Variants in BMP5 observed in about 807,000 individuals in gnomAD.
BMP5 encodes the protein bone morphogenetic protein 5.
Under a neutral mutation model 46.6 loss-of-function variants are expected in BMP5, and 23 were observed. The ratio of observed to expected loss-of-function variants is 0.49; its 90% CI spans 0.35 to 0.70. The LOEUF is 0.70. Ranked by LOEUF, BMP5 falls within the 30% of genes least tolerant of loss-of-function variation. BMP5 has a pLI of 0.00. For synonymous variants in BMP5, 204 were observed against 191.9 expected, an observed-to-expected ratio of 1.06 and a Z score of -0.52; for missense variants, 545 against 565.6, an observed-to-expected ratio of 0.96 and a Z score of 0.37.
intron 1 of BMP5, among the ~76,000 whole-genome samples, chr6:55,837,364 T>TAGAG (rs767336510): frequency 6.7e-6 from 1 of 149,886 alleles, no homozygotes; most frequent in Admixed American, 6.6e-5. Flanking sequence ...GATAGATAGA[T>TAGAG]AGATAGATAG....
intron 5 of BMP5, 41 bp from the exon 6 acceptor site, chr6:55,759,156 AAAAAAAAAAAAAAAAAAAAAAAAAAAAC>A: frequency 1.5e-5 from 10 of 672,740 alleles, no homozygotes; most frequent in South Asian, 1.1e-4. Flanking sequence ...AAAAAAAAAA[AAAAAAAAAAAAAAAAAAAAAAAAAAAAC>A]AACAAGAAAA....
intron 1 of BMP5, 88 bp downstream of exon 1, chr6:55,874,288 C>T: frequency 2.6e-6 from 4 of 1,558,918 alleles, no homozygotes; most frequent in Non-Finnish European, 3.5e-6. Flanking sequence ...TTTATATAAA[C>T]ATGACCACCT....
chr6:55,833,701 C>G (rs1380282444), intron 1 of BMP5, among the ~76,000 whole-genome samples: 1 of 152,116 alleles, frequency 6.6e-6, no homozygotes, highest in African/African-American at 2.4e-5. Context: ...AACAGGACAG[C>G]AATCTCTGAA....
In BMP5 at chr6:55,819,796, C is replaced by A. The variant is rs766276845; in HGVS notation, c.542G>T (p.Arg181Leu). ...SHQRRHYKEF[R>L]FDLTQIPHGE... ...ATGAGGAATTTGGGTAAGATCAAAT[C>A]GAAATTCTTTGTAATGCCTTCGCTG... The change falls in exon 2 of 7, where the codon CGA (arginine) becomes CTA (leucine). Residue 181 changes from arginine (R) to leucine (L), a missense_variant. Coordinates refer to ENST00000370830, the MANE Select transcript of BMP5 (RefSeq NM_021073.4). The A allele has an allele frequency of 5.0e-6, 8 of 1,613,680 alleles. No individual in the cohort carries two copies. In the South Asian group the frequency reaches 5.5e-5, roughly 11 times the overall value.
At chr6:55,853,138 TAAATAAAATAA>T in intron 1 of BMP5, among the ~76,000 whole-genome samples, 1 of 107,486 alleles carries the variant, frequency 9.3e-6, no homozygotes, top group African/African-American at 3.5e-5. Flanking sequence ...CTCAAATACA[TAAATAAAATAA>T]AATAAAATAA....
At chr6:55,778,240 A>AT (rs1739335126) in intron 3 of BMP5, among the ~76,000 whole-genome samples, 1 of 151,944 alleles carries the variant, frequency 6.6e-6, no homozygotes, top group African/African-American at 2.4e-5. Context: ...GATCTGCTAA[A>AT]TGGATGGGGT....
At chr6:55,761,254 T>C (rs1774769821) in intron 4 of BMP5, among the ~76,000 whole-genome samples, 1 of 152,062 alleles carries the variant, frequency 6.6e-6, no homozygotes, top group Admixed American at 6.6e-5. Context: ...CAAGACACCA[T>C]CATCTCTGGC....
chr6:55,818,971 C>CAGACAGACAGAT lies in BMP5; in HGVS notation c.683+683_683+684insATCTGTCTGTCT, dbSNP rs1180896828. Among the ~76,000 whole-genome samples, 74 of 150,670 alleles carry CAGACAGACAGAT rather than the reference C, an allele frequency of 4.9e-4. No homozygotes were observed. In the South Asian group the frequency reaches 0.015, roughly 31 times the overall value. ...ACAGACAGACAGACAGACAGACAGA[C>CAGACAGACAGAT]AGATAGATAGATAGATGGTAGATCT... On this transcript the variant is annotated intron_variant, in intron 2 of 6. Transcript: ENST00000370830.
At chr6:55,811,088 G>A (rs1776124737) in intron 2 of BMP5, among the ~76,000 whole-genome samples, 1 of 152,150 alleles carries the variant, frequency 6.6e-6, no homozygotes, top group Admixed American at 6.6e-5. Flanking sequence ...TCCCATCTGA[G>A]TGTCCTGTTC....
intron 1 of BMP5, among the ~76,000 whole-genome samples, chr6:55,837,502 AT>A (rs1349675928): frequency 6.6e-6 from 1 of 151,960 alleles, no homozygotes; most frequent in African/African-American, 2.4e-5. Context: ...TATTTTTTAA[AT>A]TTTTTTATTT....
chr6:55,833,493 G>A (rs987326626), intron 1 of BMP5, among the ~76,000 whole-genome samples: 2 of 151,974 alleles, frequency 1.3e-5, no homozygotes, highest in East Asian at 1.9e-4. Flanking sequence ...ATTCTTTTTC[G>A]GCTTTTGAAG....
intron 2 of BMP5, among the ~76,000 whole-genome samples, chr6:55,803,509 G>T (rs1775906285): frequency 6.6e-6 from 1 of 152,156 alleles, no homozygotes; most frequent in Non-Finnish European, 1.5e-5. Flanking sequence ...CAGGAGTTGG[G>T]TAGTGGAATG....
rs1774514019 is a variant in BMP5, at chr6:55,753,832, T to C, written c.*1701A>G. The C allele has an allele frequency of 6.6e-6, 1 of 151,822 alleles. No individual in the cohort carries two copies. The highest frequency in any genetic ancestry group is 6.6e-5 in the Admixed American group (1 of 15,216). 9.4% of individuals were successfully genotyped at this position (151,822 alleles called of 1,614,324 possible). ...TATTCCTTTTAAATAAAGAACCAAA[T>C]CAAGAACAGCAGAAATTAGCATCTG... On this transcript the variant is annotated 3_prime_UTR_variant, in exon 7 of 7. Transcript: ENST00000370830.
At chr6:55,841,296 T>C (rs1344849941) in intron 1 of BMP5, among the ~76,000 whole-genome samples, 1 of 152,158 alleles carries the variant, frequency 6.6e-6, no homozygotes, top group Non-Finnish European at 1.5e-5. Context: ...TCTACTTATT[T>C]ATTTTCTCTT....
intron 1 of BMP5, among the ~76,000 whole-genome samples, chr6:55,861,561 A>G (rs1262264149): frequency 6.6e-6 from 1 of 152,190 alleles, no homozygotes; most frequent in Non-Finnish European, 1.5e-5. Context: ...CACAAATGTC[A>G]GTATCTTTGG....
intron 1 of BMP5, among the ~76,000 whole-genome samples, chr6:55,823,928 C>CT (rs763659840): frequency 1.3e-5 from 2 of 151,896 alleles, no homozygotes; most frequent in Non-Finnish European, 2.9e-5. Flanking sequence ...GTATTATATA[C>CT]TATATATGTT....
At chr6:55,869,332 C>T (rs1417009638) in intron 1 of BMP5, among the ~76,000 whole-genome samples, 2 of 152,152 alleles carry the variant, frequency 1.3e-5, no homozygotes, top group East Asian at 3.9e-4. Flanking sequence ...AACTGAAAAA[C>T]CAGCCTTTAA....
intron 1 of BMP5, among the ~76,000 whole-genome samples, chr6:55,851,669 A>C (rs1179993329): frequency 6.6e-6 from 1 of 152,240 alleles, no homozygotes; most frequent in Non-Finnish European, 1.5e-5. Context: ...ATGTGCAAGT[A>C]TAACTTCGGT....
At chr6:55,869,990 G>T (rs1486762264) in intron 1 of BMP5, among the ~76,000 whole-genome samples, 1 of 152,006 alleles carries the variant, frequency 6.6e-6, no homozygotes, top group Admixed American at 6.6e-5. Context: ...TGCCAAGAGA[G>T]CCTGGGGCTA....
Sources: allele counts gnomAD v4.1 joint callset (sites outside exome capture counted in the v4.1 genomes callset), GRCh38; gene constraint gnomAD v4.1.1; transcripts MANE v1.5; gene names NCBI Gene and HGNC (gene_info 2026-07-23, HGNC 2026-07-21).